Variants in MEPCE observed in about 807,000 individuals in gnomAD.
The protein encoded by MEPCE is 7SK snRNA methylphosphate capping enzyme.
MEPCE carries 9 observed loss-of-function variants against 52.3 expected under a neutral mutation model. That is an observed-to-expected ratio of 0.17 (90% CI 0.10 to 0.30). The LOEUF is 0.30. Ranked by LOEUF, MEPCE falls within the 10% of genes least tolerant of loss-of-function variation. MEPCE has a pLI of 1.00. For synonymous variants in MEPCE, 477 were observed against 401.6 expected (o/e 1.19, Z -2.25); for missense variants, 826 against 933.0 (o/e 0.89, Z 1.49).
At position 100,431,709 on chromosome 7, in the gene MEPCE, C is replaced by T; in HGVS notation, c.1671+20C>T. On this transcript the variant is annotated intron_variant, in intron 1 of 3. Transcript: ENST00000310512. The stretch of plus-strand genomic sequence containing the variant: ...GTCACGGTAAGAGGGTCCAGAGGCT[C>T]TTGGAATAGGGGCCAGGTGTGAAGA... 6.4e-7 allele frequency: 1 copy of T among 1,553,542 alleles called. No individual in the cohort carries two copies.
chr7:100,430,789 G>T lies in MEPCE; in HGVS notation c.771G>T (p.Lys257Asn). 1 of 1,613,742 alleles carries T rather than the reference G, an allele frequency of 6.2e-7. No homozygotes were observed. The highest frequency in any genetic ancestry group is 8.5e-7 in the Non-Finnish European group (1 of 1,179,892). The change falls in exon 1 of 4, where the codon AAG becomes AAT. Residue 257 changes from lysine to asparagine, a missense_variant. Around this residue, in one of 7 missense-constraint regions of MEPCE, gnomAD observed 307 missense variants for 292.1 expected, o/e 1.05. Coordinates refer to ENST00000310512, the MANE Select transcript of MEPCE (RefSeq NM_019606.6). ...ATGTAGTTCTTGCTTCGCCACTCAA[G>T]ACTGGTCGGAAGCGGCATAGACACC... ...EGHVVLASPLKTGRKRHRHRG... is the reference protein window; with the variant it reads ...EGHVVLASPLNTGRKRHRHRG...
intron 1 of MEPCE, among the ~76,000 whole-genome samples, chr7:100,432,384 G>T (rs139439578): frequency 6.6e-6 from 1 of 152,274 alleles, no homozygotes; most frequent in Non-Finnish European, 1.5e-5. Flanking sequence ...CATTGTGTTG[G>T]GTTAAGCCTG....
rs1024340185 is a variant in MEPCE, at chr7:100,433,697, C to T, written c.*143C>T. ...GGATCTGCAAAGAAAGCTTTTCTTC[C>T]GTCGCTGCCTCAGCCTCCTCCCTAT... On this transcript the variant is annotated 3_prime_UTR_variant, in exon 4 of 4. Coordinates refer to ENST00000310512, the MANE Select transcript of MEPCE (RefSeq NM_019606.6). The T allele has an allele frequency of 2.6e-5, 22 of 850,912 alleles. 1 individual carries two copies. The highest frequency in any genetic ancestry group is 6.9e-5 in the African/African-American group (4 of 58,222). 52.7% of individuals were successfully genotyped at this position (850,912 alleles called of 1,614,324 possible).
In MEPCE at chr7:100,433,673, G is replaced by A. The variant is rs1265807017; in HGVS notation, c.*119G>A. On this transcript the variant is annotated 3_prime_UTR_variant, in exon 4 of 4. Transcript: ENST00000310512. ...ACTCCAAAAATAGTTTCCTTTCTTG[G>A]ATCTGCAAAGAAAGCTTTTCTTCCG... is the stretch of plus-strand genomic sequence containing the variant. 3.8e-6 allele frequency: 4 copies of A among 1,054,314 alleles called. No homozygotes were observed. The highest frequency in any genetic ancestry group is 5.6e-6 in the Non-Finnish European group (4 of 716,922). The allele number at this position is 1,054,314 out of a possible 1,614,324, so 65.3% of individuals were successfully genotyped here.
chr7:100,429,661 C>A, upstream of MEPCE: 1 of 219,350 alleles, frequency 4.6e-6, no homozygotes, highest in Non-Finnish European at 9.0e-6. Context: ...TAAGTTGGTT[C>A]GTAGTCTGAT....
rs1563165207 is a variant in MEPCE, at chr7:100,432,829, G to GC, written c.1672-89dup. On this transcript the variant is annotated intron_variant, in intron 1 of 3. Coordinates refer to ENST00000310512, the MANE Select transcript of MEPCE (RefSeq NM_019606.6). ...AGTGGCCACGGGCTAAAGTGAGGCC[G>GC]CGGGACTGTATCGGCCTCAGAGCAG... The GC allele has an allele frequency of 3.4e-6, 4 of 1,177,910 alleles. No homozygotes were observed. In the East Asian group the frequency reaches 9.4e-5, roughly 28 times the overall value. The allele number at this position is 1,177,910 out of a possible 1,614,324, so 73.0% of individuals were successfully genotyped here.
chr7:100,432,312 C>G (rs1238880361), intron 1 of MEPCE, among the ~76,000 whole-genome samples: 3 of 152,138 alleles, frequency 2.0e-5, no homozygotes, highest in Non-Finnish European at 4.4e-5. Context: ...CCTGCAGAGT[C>G]CCCTGACTGC....
chr7:100,429,320 C>G (rs1034045302), upstream of MEPCE: 2 of 152,282 alleles, frequency 1.3e-5, no homozygotes, highest in Non-Finnish European at 1.5e-5. Context: ...GCGCCAGTTT[C>G]AGCACGTGCT....
intron 2 of MEPCE, 21 bp downstream of exon 2, chr7:100,433,158 A>G (rs1798769628): frequency 1.9e-6 from 3 of 1,613,610 alleles, no homozygotes; most frequent in South Asian, 1.1e-5. Context: ...TGTTGGGGGA[A>G]TAGTCATTCC....
upstream of MEPCE, chr7:100,429,650 T>G: frequency 6.3e-5 from 12 of 190,794 alleles, no homozygotes; most frequent in East Asian, 1.2e-4. Flanking sequence ...CCCAGAGCCG[T>G]TAAGTTGGTT....
At chr7:100,433,235 T>G in intron 2 of MEPCE, 28 bp from the exon 3 acceptor site, 3 of 1,614,092 alleles carry the variant, frequency 1.9e-6, no homozygotes, top group Non-Finnish European at 2.5e-6. Flanking sequence ...GGCAGCGTGC[T>G]GAAGTGGTCC....
rs541899616 is a variant in MEPCE, at chr7:100,431,566, C to T, written c.1548C>T (p.Thr516=). ...CAGAGGGTGAGGAAGGGACCACCAC[C>T]GTTCGAAAGAGGAGCTGCTTCCCAG... ...PGAEGEEGTT[T]VRKRSCFPAS... The change falls in exon 1 of 4, where the codon ACC becomes ACT. Residue 516 remains threonine (T), a synonymous_variant. Coordinates refer to ENST00000310512, the MANE Select transcript of MEPCE (RefSeq NM_019606.6). The T allele has an allele frequency of 3.1e-6, 5 of 1,612,380 alleles. No individual in the cohort carries two copies. The highest frequency in any genetic ancestry group is 2.7e-5 in the African/African-American group (2 of 74,942).
chr7:100,432,793 T>A, intron 1 of MEPCE, 126 bp from the exon 2 acceptor site: 1 of 808,658 alleles, frequency 1.2e-6, no homozygotes, highest in Non-Finnish European at 2.1e-6. Flanking sequence ...TGGGAGTTAG[T>A]CTGAGAAGAA....
chr7:100,430,839 A>T lies in MEPCE; in HGVS notation c.821A>T (p.Gln274Leu), dbSNP rs1563162903. ...CGGGGACAGCACCACCAGCAGCAGC[A>T]GGCAGCCGGAGGGAGTGAGAGTCAC... ...RHRGQHHQQQ[Q>L]AAGGSESHPV... Residue 274 changes from glutamine (Q) to leucine (L), a missense_variant, in exon 1 of 4, where the codon CAG (glutamine) becomes CTG (leucine). Coordinates refer to ENST00000310512, the MANE Select transcript of MEPCE (RefSeq NM_019606.6). The T allele has an allele frequency of 5.6e-6, 9 of 1,611,356 alleles. No homozygotes were observed. In the African/African-American group the frequency reaches 9.3e-5, roughly 17 times the overall value.
chr7:100,430,243 C>A lies in MEPCE; in HGVS notation c.225C>A (p.Thr75=). The A allele has an allele frequency of 7.4e-7, 1 of 1,347,214 alleles. No homozygotes were observed. The highest frequency in any genetic ancestry group is 3.0e-5 in the East Asian group (1 of 33,518). The allele number at this position is 1,347,214 out of a possible 1,614,324, so 83.5% of individuals were successfully genotyped here. A position where few individuals can be genotyped will look rare whatever the true frequency, so the allele number is the denominator to read the frequency against. The change falls in exon 1 of 4, where the codon ACC becomes ACA. Residue 75 remains threonine, a synonymous_variant. Transcript: ENST00000310512. Reference sequence around the variant, plus strand: ...GGGAAAGCCCCGGGGCCGCGGCCACCTCCTCCAGTGGTCCCCAGGCGCAGC... The same window carrying A: ...GGGAAAGCCCCGGGGCCGCGGCCACATCCTCCAGTGGTCCCCAGGCGCAGC... ...VGRESPGAAA[T]SSSGPQAQQH... is the part of the protein sequence containing the mutation.
At position 100,430,051 on chromosome 7, in the gene MEPCE, T is replaced by C. The variant is rs193002939; in HGVS notation, c.33T>C (p.Phe11=). 6.8e-4 allele frequency: 866 copies of C among 1,267,870 alleles called. 8 individuals are homozygous for C. In the African/African-American group the frequency reaches 0.012, roughly 17 times the overall value. 78.5% of individuals were successfully genotyped at this position (1,267,870 alleles called of 1,614,324 possible). A position where few individuals can be genotyped will look rare whatever the true frequency, so the allele number is the denominator to read the frequency against. ...AGATGGCGGCGGAGAAGGAGCCGTT[T>C]CTGGTGCCGGCCCCGCCGCCGCCGC... MIEMAAEKEP[F]LVPAPPPPLK... is the part of the protein sequence containing the mutation. Residue 11 remains phenylalanine (F), a synonymous_variant, in exon 1 of 4, where the codon TTT becomes TTC. Coordinates refer to ENST00000310512, the MANE Select transcript of MEPCE (RefSeq NM_019606.6).
chr7:100,433,124 G>A lies in MEPCE; in HGVS notation c.1877G>A (p.Arg626Lys), dbSNP rs768295804. Reference protein sequence around the residue: ...EPQPWSSYGKRKTLTETIYKN... With the variant: ...EPQPWSSYGKKKTLTETIYKN... ...CAACCCTGGTCGTCGTATGGCAAGA[G>A]AAAGACTCTTACAGTGAGTTGGGTG... The change falls in exon 2 of 4, where the codon AGA becomes AAA. Residue 626 changes from arginine to lysine, a missense_variant. By Grantham distance (26) the Arg-to-Lys change is conservative. Coordinates refer to ENST00000310512, the MANE Select transcript of MEPCE (RefSeq NM_019606.6). The A allele has an allele frequency of 6.2e-7, 1 of 1,614,002 alleles. No homozygotes were observed. Among genetic ancestry groups the A allele is most frequent in the Non-Finnish European group, 8.5e-7 (1 of 1,180,032 alleles).
rs1798711008 is a variant in MEPCE, at chr7:100,431,696, G to C, written c.1671+7G>C. Reference sequence around the variant, plus strand: ...CAATGTTGTCTTCGTCACGGTAAGAGGGTCCAGAGGCTCTTGGAATAGGGG... The same window carrying C: ...CAATGTTGTCTTCGTCACGGTAAGACGGTCCAGAGGCTCTTGGAATAGGGG... On this transcript the variant is annotated splice_region_variant and intron_variant, in intron 1 of 3. Coordinates refer to ENST00000310512, the MANE Select transcript of MEPCE (RefSeq NM_019606.6). 1.3e-6 allele frequency: 2 copies of C among 1,570,600 alleles called. No homozygotes were observed. The highest frequency in any genetic ancestry group is 1.7e-6 in the Non-Finnish European group (2 of 1,162,982).
Position 100,430,415 on chromosome 7 carries a change from C to T in MEPCE, c.397C>T (p.Arg133Cys). Residue 133 changes from arginine to cysteine, a missense_variant, in exon 1 of 4, where the codon CGC becomes TGC. By Grantham distance (180) the Arg-to-Cys change is radical. Around this residue, in one of 7 missense-constraint regions of MEPCE, gnomAD observed 314 missense variants for 277.7 expected, o/e 1.13. Coordinates refer to ENST00000310512, the MANE Select transcript of MEPCE (RefSeq NM_019606.6). ...ELGPPAPPRP[R>C]NGYQPHRPPG... ...GGGTCCCCCTGCTCCTCCTCGACCCCGCAATGGCTATCAGCCCCACCGGCC... is the reference window on the plus strand; with the variant it reads ...GGGTCCCCCTGCTCCTCCTCGACCCTGCAATGGCTATCAGCCCCACCGGCC... The T allele has an allele frequency of 1.3e-6, 2 of 1,548,444 alleles. No homozygotes were observed. Among genetic ancestry groups the T allele is most frequent in the South Asian group, 1.2e-5 (1 of 84,522 alleles).
Sources: allele counts gnomAD v4.1 joint callset (sites outside exome capture counted in the v4.1 genomes callset), GRCh38; gene constraint gnomAD v4.1.1; regional missense constraint gnomAD v4.1.1; transcripts MANE v1.5; gene names NCBI Gene and HGNC (gene_info 2026-07-23, HGNC 2026-07-21).